The following HOXA3 variants were observed in gnomAD, a reference collection of about 807,000 sequenced individuals.
HOXA3 encodes the protein homeobox protein Hox-A3.
HOXA3 carries 8 observed loss-of-function variants against 30.3 expected under a neutral mutation model. The observed-to-expected ratio is 0.26, with a 90% confidence interval of 0.15 to 0.48. The LOEUF (loss-of-function observed/expected upper bound fraction) is 0.48. HOXA3 is among the 20% of genes least tolerant of loss of function. The pLI, the probability that HOXA3 is intolerant of heterozygous loss-of-function variation, is 0.99. For missense variants in HOXA3, 653 were observed against 614.4 expected (o/e 1.06, Z -0.66); for synonymous variants, 323 against 273.1 (o/e 1.18, Z -1.80).
intron 1 of HOXA3, chr7:27,147,257 T>C: frequency 6.7e-7 from 1 of 1,503,564 alleles, no homozygotes. Context: ...TCTTTCTTTC[T>C]TTTCCTGCCT....
intron 4 of HOXA3, among the ~76,000 whole-genome samples, chr7:27,119,002 G>C (rs1324920378): frequency 2.0e-5 from 3 of 152,066 alleles, no homozygotes; most frequent in Admixed American, 1.3e-4. Flanking sequence ...GGTGGGTCCG[G>C]GTTTTGCAAA....
At chr7:27,147,490 C>A (rs768371033) in intron 1 of HOXA3, 1 of 1,614,078 alleles carries the variant, frequency 6.2e-7, no homozygotes, top group East Asian at 2.2e-5. Flanking sequence ...GGGCGAGGCG[C>A]CACTGAGGTC....
At chr7:27,141,258 CTA>C (rs971111313) in intron 1 of HOXA3, 1 of 152,546 alleles carries the variant, frequency 6.6e-6, no homozygotes. Context: ...GCAAAGGGTC[CTA>C]TAAAGGCACG....
At chr7:27,140,014 AGAGAG>A (rs1782497847) in intron 2 of HOXA3, 64 bp downstream of exon 2, 3 of 146,178 alleles carry the variant, frequency 2.1e-5, no homozygotes, top group Non-Finnish European at 4.4e-5. Context: ...AGAGAGAGAG[AGAGAG>A]AGAGAGAGAG....
intron 2 of HOXA3, chr7:27,128,053 G>A (rs1443159013): frequency 1.3e-5 from 2 of 152,166 alleles, no homozygotes; most frequent in African/African-American, 4.8e-5. Flanking sequence ...TATCTCCTGG[G>A]AAACAGGCAG....
intron 1 of HOXA3, chr7:27,147,034 G>C (rs1583412448): frequency 7.6e-6 from 4 of 523,520 alleles, no homozygotes; most frequent in Non-Finnish European, 1.3e-5. Context: ...TCTTCAGGCT[G>C]TCCCTGTCAC....
intron 2 of HOXA3, among the ~76,000 whole-genome samples, chr7:27,139,810 C>T (rs1439463340): frequency 2.0e-5 from 3 of 152,170 alleles, no homozygotes; most frequent in African/African-American, 7.2e-5. Flanking sequence ...TTTTGCACGC[C>T]GGCGGGAGCA....
chr7:27,121,507 A>C (rs1031141299), intron 4 of HOXA3, among the ~76,000 whole-genome samples: 2 of 152,200 alleles, frequency 1.3e-5, no homozygotes, highest in African/African-American at 4.8e-5. Context: ...GTAGCTGAGA[A>C]AGTAACACAG....
At chr7:27,147,616 G>C in intron 1 of HOXA3, 1 of 1,614,216 alleles carries the variant, frequency 6.2e-7, no homozygotes, top group Non-Finnish European at 8.5e-7. Flanking sequence ...CGGGAGACTC[G>C]ACGCCCCGTA....
At chr7:27,127,441 C>T (rs891406739) in intron 2 of HOXA3, among the ~76,000 whole-genome samples, 4 of 152,234 alleles carry the variant, frequency 2.6e-5, no homozygotes, top group Admixed American at 2.0e-4. Context: ...CCAGCTCTGA[C>T]ACTGGCTAAA....
chr7:27,145,861 T>C, intron 1 of HOXA3: 1 of 1,614,214 alleles, frequency 6.2e-7, no homozygotes, highest in Non-Finnish European at 8.5e-7. Context: ...AGCTCCAGTG[T>C]CTGGTAGCGC....
At chr7:27,130,295 G>T in intron 2 of HOXA3, 1 of 1,093,174 alleles carries the variant, frequency 9.1e-7, no homozygotes, top group South Asian at 4.3e-5. Context: ...GGCACGGCGC[G>T]AGGCTGCAGG....
chr7:27,129,414 C>T, intron 2 of HOXA3: 1 of 1,614,176 alleles, frequency 6.2e-7, no homozygotes, highest in Non-Finnish European at 8.5e-7. Context: ...AGATCTTGAC[C>T]TGGCGCTCAG....
chr7:27,142,972 G>A (rs1439509878), intron 1 of HOXA3: 1 of 1,328,630 alleles, frequency 7.5e-7, no homozygotes, highest in Non-Finnish European at 1.0e-6. Context: ...CTGGGAGAGG[G>A]CGGCAGAGAA....
chr7:27,110,363 G>C lies in HOXA3; in HGVS notation c.278C>G (p.Pro93Arg). ...GGCAGGGGGCGCGGCCTGGGGCGGC[G>C]GCGGGTGCAGGGGCGGCTCTCCCAG... ...PSLGEPPLHP[P>R]PPQAAPPAPQ... The change falls in exon 5 of 6, where the codon CCG (proline) becomes CGG (arginine). Residue 93 changes from proline (P) to arginine (R), a missense_variant. Transcript: ENST00000612286. The C allele has an allele frequency of 6.6e-7, 1 of 1,507,826 alleles. No homozygotes were observed. The highest frequency in any genetic ancestry group is 8.8e-7 in the Non-Finnish European group (1 of 1,133,276). The allele number at this position is 1,507,826 out of a possible 1,614,324, so 93.4% of individuals were successfully genotyped here.
intron 1 of HOXA3, chr7:27,151,502 A>T (rs1782970884): frequency 2.3e-6 from 1 of 428,928 alleles, no homozygotes; most frequent in Non-Finnish European, 4.8e-6. Flanking sequence ...GCGCGCTAAC[A>T]GCATTATGTC....
chr7:27,115,008 C>T (rs957160508), intron 4 of HOXA3, among the ~76,000 whole-genome samples: 1 of 146,552 alleles, frequency 6.8e-6, no homozygotes, highest in African/African-American at 2.5e-5. Flanking sequence ...GCCTCCTTTG[C>T]TCCCAGCTTC....
chr7:27,116,577 A>C (rs1236339579), intron 4 of HOXA3: 1 of 152,190 alleles, frequency 6.6e-6, no homozygotes, highest in Non-Finnish European at 1.5e-5. Flanking sequence ...CTCACTGTGC[A>C]TGCTTTTATG....
chr7:27,108,674 G>C lies in HOXA3; in HGVS notation c.573C>G (p.Ser191=), dbSNP rs779694009. The C allele has an allele frequency of 1.2e-6, 2 of 1,610,396 alleles. No individual in the cohort carries two copies. The highest frequency in any genetic ancestry group is 1.7e-6 in the Non-Finnish European group (2 of 1,177,308). ...GDKSPPGQAS[S]KRARTAYTSA... is the part of the protein sequence containing the mutation. ...TCGTGTAGGCCGTGCGCGCGCGCTT[G>C]GACGAAGCCTGCCCCGGCGGGCTCT... Residue 191 remains serine, a synonymous_variant, in exon 6 of 6, where the codon TCC becomes TCG. Transcript: ENST00000612286. This position sits in a 1 kb window ranked among gnomAD's most constrained non-coding sequence, Gnocchi z 5.0.
Sources: allele counts gnomAD v4.1 joint callset (sites outside exome capture counted in the v4.1 genomes callset), GRCh38; gene constraint gnomAD v4.1.1; non-coding constraint Gnocchi (gnomAD v3.1); transcripts MANE v1.5; gene names NCBI Gene and HGNC (gene_info 2026-07-23, HGNC 2026-07-21).